The following ATP8A2 variants were observed in gnomAD, a reference collection of about 807,000 sequenced individuals.
ATP8A2 encodes phospholipid-transporting ATPase IB.
A neutral mutation model predicts 165.6 loss-of-function variants in ATP8A2; 100 were observed. The observed-to-expected ratio is 0.60, with a 90% confidence interval of 0.51 to 0.71. The LOEUF (loss-of-function observed/expected upper bound fraction) is 0.71, where lower values mean the gene tolerates loss of function less well. Among genes scored for constraint, ATP8A2 ranks in the 30% least tolerant of loss-of-function variants. ATP8A2 has a pLI of 0.00. For synonymous variants in ATP8A2, 543 were observed against 548.8 expected, an observed-to-expected ratio of 0.99 and a Z score of 0.15; for missense variants, 1,227 against 1,479.5, an observed-to-expected ratio of 0.83 and a Z score of 2.80.
intron 27 of ATP8A2, among the ~76,000 whole-genome samples, chr13:25,794,485 A>G (rs565084312): frequency 2.0e-4 from 30 of 152,244 alleles, no homozygotes; most frequent in African/African-American, 7.0e-4. Context: ...AAAAGACAAA[A>G]ACTGTGGGGA....
chr13:25,914,466 C>T (rs188857686), intron 33 of ATP8A2, among the ~76,000 whole-genome samples: 6 of 152,256 alleles, frequency 3.9e-5, no homozygotes, highest in Admixed American at 3.9e-4. Flanking sequence ...CTGATGAGCA[C>T]CCTTATCCAT....
At chr13:25,688,043 T>C (rs2042639637) in intron 24 of ATP8A2, among the ~76,000 whole-genome samples, 1 of 152,026 alleles carries the variant, frequency 6.6e-6, no homozygotes, top group African/African-American at 2.4e-5. Context: ...TGGCTCACCA[T>C]ACTTTACAGG....
intron 1 of ATP8A2, among the ~76,000 whole-genome samples, chr13:25,429,628 G>A (rs1477214108): frequency 4.6e-5 from 7 of 152,184 alleles, no homozygotes. Context: ...GGGAAACCCG[G>A]TGGTTCCGCA....
intron 11 of ATP8A2, among the ~76,000 whole-genome samples, chr13:25,552,242 C>T (rs1288709470): frequency 6.6e-6 from 1 of 152,178 alleles, no homozygotes; most frequent in Non-Finnish European, 1.5e-5. Flanking sequence ...CCGCCTCGGC[C>T]TCCTGAAGTG....
chr13:25,457,346 C>G (rs12431142), intron 1 of ATP8A2, among the ~76,000 whole-genome samples: 42,462 of 152,008 alleles, frequency 0.28, 6,194 homozygotes, highest in East Asian at 0.39. Flanking sequence ...AAATGCCACT[C>G]TCATTTATAT....
intron 33 of ATP8A2, among the ~76,000 whole-genome samples, chr13:25,884,260 G>C (rs1953072189): frequency 6.6e-6 from 1 of 152,128 alleles, no homozygotes; most frequent in African/African-American, 2.4e-5. Context: ...CAGCAGCTTT[G>C]GGAAGGATTC....
chr13:25,684,158 C>T (rs1047142761), intron 24 of ATP8A2, among the ~76,000 whole-genome samples: 2 of 152,128 alleles, frequency 1.3e-5, no homozygotes, highest in East Asian at 3.9e-4. Context: ...GAGTGTGTGA[C>T]GTTGATCTTA....
At chr13:25,723,709 C>A (rs1205239452) in intron 25 of ATP8A2, among the ~76,000 whole-genome samples, 1 of 152,026 alleles carries the variant, frequency 6.6e-6, no homozygotes. Flanking sequence ...TTGTTCTGGG[C>A]AGCATTCCAG....
intron 1 of ATP8A2, among the ~76,000 whole-genome samples, chr13:25,446,682 G>T (rs564093325): frequency 6.6e-6 from 1 of 152,272 alleles, no homozygotes; most frequent in East Asian, 1.9e-4. Context: ...AATATTTATT[G>T]TGAGAAGAAC....
intron 33 of ATP8A2, among the ~76,000 whole-genome samples, chr13:25,900,110 C>T (rs147899942): frequency 1.6e-4 from 24 of 152,222 alleles, no homozygotes; most frequent in Non-Finnish European, 2.9e-4. Flanking sequence ...GGCCATTCCT[C>T]CTGCTGGGAG....
At chr13:25,687,559 G>C (rs1185708103) in intron 24 of ATP8A2, among the ~76,000 whole-genome samples, 1 of 152,144 alleles carries the variant, frequency 6.6e-6, no homozygotes, top group Non-Finnish European at 1.5e-5. Context: ...TTAAACGAAA[G>C]AGCCAGCTCT....
chr13:25,480,709 C>A (rs1309787574), intron 2 of ATP8A2, among the ~76,000 whole-genome samples: 1 of 148,134 alleles, frequency 6.8e-6, no homozygotes, highest in Non-Finnish European at 1.5e-5. Flanking sequence ...ACATCCCAGA[C>A]GATGGGTGGC....
Position 25,417,336 on chromosome 13 carries a change from C to T in ATP8A2, c.76+45048C>T, listed in dbSNP as rs2034160874. ...TGTTTGCTCTTATTTTACTTCATTT[C>T]TCCCATTTCCCCAAATGCCTGGCTT... On this transcript the variant is annotated intron_variant, in intron 1 of 36. Transcript: ENST00000381655. 1.3e-5 allele frequency among the ~76,000 whole-genome samples: 2 copies of T among 152,174 alleles called. 1 individual carries two copies. The highest frequency in any genetic ancestry group is 4.1e-4 in the South Asian group (2 of 4,822).
intron 2 of ATP8A2, among the ~76,000 whole-genome samples, chr13:25,472,786 T>C (rs1225952321): frequency 6.6e-6 from 1 of 152,172 alleles, no homozygotes; most frequent in East Asian, 1.9e-4. Flanking sequence ...ACTTACCTTG[T>C]TGTACTCCTT....
chr13:25,892,638 A>G (rs1416882434), intron 33 of ATP8A2, among the ~76,000 whole-genome samples: 1 of 151,286 alleles, frequency 6.6e-6, no homozygotes, highest in Non-Finnish European at 1.5e-5. Context: ...CACCTGTGTC[A>G]TGCAGGTGTA....
intron 15 of ATP8A2, among the ~76,000 whole-genome samples, chr13:25,560,552 T>C (rs1309245088): frequency 6.6e-6 from 1 of 151,366 alleles, no homozygotes; most frequent in Non-Finnish European, 1.5e-5. Context: ...ATACAAAAAT[T>C]AGCTGGATGT....
At chr13:25,635,194 C>A (rs979768500) in intron 24 of ATP8A2, among the ~76,000 whole-genome samples, 1 of 152,086 alleles carries the variant, frequency 6.6e-6, no homozygotes, top group Non-Finnish European at 1.5e-5. Context: ...TTAAAAGAGA[C>A]AATTCATAAA....
chr13:26,015,039 G>T (rs1956937211), intron 36 of ATP8A2, among the ~76,000 whole-genome samples: 1 of 152,098 alleles, frequency 6.6e-6, no homozygotes, highest in African/African-American at 2.4e-5. Flanking sequence ...TATATATGTT[G>T]TGATCAAAGA....
At chr13:25,897,456 G>A (rs936169010) in intron 33 of ATP8A2, among the ~76,000 whole-genome samples, 1 of 149,346 alleles carries the variant, frequency 6.7e-6, no homozygotes, top group African/African-American at 2.5e-5. Flanking sequence ...CTCTCTGGCT[G>A]CCCTTAACAT....
Sources: gnomAD v4.1 joint callset for allele counts (sites outside exome capture counted in the v4.1 genomes callset) on GRCh38, gnomAD v4.1.1 for gene constraint, MANE v1.5 for transcripts, NCBI Gene and HGNC (gene_info 2026-07-23, HGNC 2026-07-21) for gene names.